Variants in CLIP1 observed in about 807,000 individuals in gnomAD.
CLIP1 encodes CAP-Gly domain-containing linker protein 1.
Under a neutral mutation model 161.6 loss-of-function variants are expected in CLIP1, and 66 were observed. That is an observed-to-expected ratio of 0.41 (90% CI 0.33 to 0.50). The LOEUF (loss-of-function observed/expected upper bound fraction) is 0.50, where lower values mean the gene tolerates loss of function less well. Among genes scored for constraint, CLIP1 ranks in the 20% least tolerant of loss-of-function variants. CLIP1 has a pLI of 0.27. For missense variants in CLIP1, 1,376 were observed against 1,702.0 expected, an observed-to-expected ratio of 0.81 and a Z score of 3.37; for synonymous variants, 598 against 626.2, an observed-to-expected ratio of 0.96 and a Z score of 0.67.
chr12:122,363,656 C>T (rs1953988917), intron 4 of CLIP1, among the ~76,000 whole-genome samples: 2 of 152,048 alleles, frequency 1.3e-5, no homozygotes, highest in African/African-American at 4.8e-5. Flanking sequence ...GCCCCCTCCC[C>T]AGACGCCCAG....
At chr12:122,361,779 C>T (rs987350155) in intron 4 of CLIP1, among the ~76,000 whole-genome samples, 11 of 152,176 alleles carry the variant, frequency 7.2e-5, no homozygotes, top group East Asian at 3.9e-4. Context: ...TGAAGTAACC[C>T]GAGATTGCAC....
chr12:122,319,657 T>G (rs1188528082), intron 17 of CLIP1, among the ~76,000 whole-genome samples: 2 of 152,268 alleles, frequency 1.3e-5, no homozygotes, highest in Non-Finnish European at 2.9e-5. Flanking sequence ...CCCTTCATTC[T>G]GACTTATGTT....
At chr12:122,293,683 G>C (rs1018207376) in intron 20 of CLIP1, among the ~76,000 whole-genome samples, 4 of 151,794 alleles carry the variant, frequency 2.6e-5, no homozygotes, top group Non-Finnish European at 5.9e-5. Context: ...TCTCCACGTT[G>C]ATCAGGCTGG....
chr12:122,319,453 A>T (rs1050316045), intron 17 of CLIP1, 105 bp from the exon 18 acceptor site: 2 of 789,444 alleles, frequency 2.5e-6, no homozygotes, highest in Non-Finnish European at 4.4e-6. Flanking sequence ...CTGTGTGGGT[A>T]AGGGAGGCAC....
chr12:122,400,482 C>T (rs1956104501), intron 1 of CLIP1: 1 of 152,134 alleles, frequency 6.6e-6, no homozygotes. Context: ...ACGCTACTGC[C>T]ACGCGCAGCA....
At chr12:122,400,820 CG>C (rs1956116433) in intron 1 of CLIP1, 1 of 151,910 alleles carries the variant, frequency 6.6e-6, no homozygotes, top group African/African-American at 2.4e-5. Context: ...CAAAATGATG[CG>C]ATTTTCAAAC....
intron 1 of CLIP1, among the ~76,000 whole-genome samples, chr12:122,422,008 G>T (rs1055058246): frequency 1.3e-5 from 2 of 152,182 alleles, no homozygotes; most frequent in African/African-American, 4.8e-5. Flanking sequence ...GGGGCAGCGG[G>T]GGAGGCCGGG....
At chr12:122,285,619 G>A (rs915217378) in intron 21 of CLIP1, among the ~76,000 whole-genome samples, 6 of 149,658 alleles carry the variant, frequency 4.0e-5, no homozygotes, top group African/African-American at 9.8e-5. Context: ...GATTACAGGC[G>A]TGAGCCACCG....
intron 17 of CLIP1, among the ~76,000 whole-genome samples, chr12:122,320,871 G>C (rs1056057587): frequency 6.6e-6 from 1 of 151,236 alleles, no homozygotes; most frequent in Non-Finnish European, 1.5e-5. Context: ...CACCACACCG[G>C]GCTAATTTTT....
At chr12:122,411,313 G>A (rs1956524041) in intron 1 of CLIP1, among the ~76,000 whole-genome samples, 1 of 152,202 alleles carries the variant, frequency 6.6e-6, no homozygotes, top group Non-Finnish European at 1.5e-5. Context: ...CTATTGGGGA[G>A]GCTGAGGCAG....
rs556779204 is a variant in CLIP1 at position 122,346,265 on chromosome 12, G to A, written c.1506+1110C>T. ...TCTCTGCGCCTCAGTGTTCTTGTCT[G>A]TAAAATGGGGACACTAATATTCCCT... On this transcript the variant is annotated intron_variant, in intron 10 of 25. Transcript: ENST00000620786. 2.6e-5 allele frequency among the ~76,000 whole-genome samples: 4 copies of A among 152,312 alleles called. 1 individual carries two copies. The highest frequency in any genetic ancestry group is 2.1e-4 in the South Asian group (1 of 4,824).
intron 1 of CLIP1, among the ~76,000 whole-genome samples, chr12:122,402,133 T>G (rs1230534324): frequency 1.3e-5 from 2 of 152,200 alleles, no homozygotes; most frequent in Non-Finnish European, 2.9e-5. Context: ...TATCCATATT[T>G]TTAAAAATGA....
intron 1 of CLIP1, among the ~76,000 whole-genome samples, chr12:122,389,442 T>C (rs1013428648): frequency 6.6e-6 from 1 of 152,004 alleles, no homozygotes; most frequent in Admixed American, 6.6e-5. Context: ...CACAAAACTA[T>C]ATGACAGACA....
intron 8 of CLIP1, among the ~76,000 whole-genome samples, chr12:122,352,292 G>A (rs1043045137): frequency 6.6e-6 from 1 of 152,026 alleles, no homozygotes. Flanking sequence ...CCTGACCTCG[G>A]GTGATCCACC....
At chr12:122,411,154 G>A (rs1280542685) in intron 1 of CLIP1, among the ~76,000 whole-genome samples, 1 of 152,174 alleles carries the variant, frequency 6.6e-6, no homozygotes, top group Non-Finnish European at 1.5e-5. Context: ...AGTGGCTTAC[G>A]CCTGTAATCC....
intron 1 of CLIP1, among the ~76,000 whole-genome samples, chr12:122,409,411 C>G (rs1218401060): frequency 6.6e-6 from 1 of 150,992 alleles, no homozygotes; most frequent in Admixed American, 6.6e-5. Context: ...CAGGCACGAG[C>G]CACCACGCCC....
chr12:122,331,560 C>T lies in CLIP1; in HGVS notation c.2867+1427G>A, dbSNP rs563656971. On this transcript the variant is annotated intron_variant, in intron 15 of 25. Coordinates refer to ENST00000620786, the MANE Select transcript of CLIP1 (RefSeq NM_001247997.2). ...GAACTGCTGACCTCAGGCGATCTGCCCGCCTCAGCCTCCCAAAGTGCCTGG... is the reference window on the plus strand; with the variant it reads ...GAACTGCTGACCTCAGGCGATCTGCTCGCCTCAGCCTCCCAAAGTGCCTGG... 2.4e-3 allele frequency among the ~76,000 whole-genome samples: 360 copies of T among 151,894 alleles called. 1 individual carries two copies. The highest frequency in any genetic ancestry group is 3.4e-3 in the Non-Finnish European group (234 of 67,942).
chr12:122,294,337 A>AC (rs1258946910), intron 20 of CLIP1, among the ~76,000 whole-genome samples: 3 of 142,994 alleles, frequency 2.1e-5, no homozygotes, highest in Admixed American at 1.4e-4. Flanking sequence ...TCAAAAAAAA[A>AC]AAAAAACAAA....
rs1328026678 is a variant in CLIP1, at chr12:122,289,247, GC to G, written c.3595-707del. Reference sequence around the variant, plus strand: ...GCCCAGCCTGGCCAACATGGTGAAAGCCCATCTCTACTAAAAATGTAAAAAT... The same window carrying G: ...GCCCAGCCTGGCCAACATGGTGAAAGCCATCTCTACTAAAAATGTAAAAAT... On this transcript the variant is annotated intron_variant, in intron 20 of 25. Coordinates refer to ENST00000620786, the MANE Select transcript of CLIP1 (RefSeq NM_001247997.2). 2.0e-5 allele frequency among the ~76,000 whole-genome samples: 3 copies of G among 151,904 alleles called. No homozygotes were observed. In the East Asian group the frequency reaches 5.9e-4, roughly 30 times the overall value.
Sources: gnomAD v4.1 joint callset for allele counts (sites outside exome capture counted in the v4.1 genomes callset) on GRCh38, gnomAD v4.1.1 for gene constraint, MANE v1.5 for transcripts, NCBI Gene and HGNC (gene_info 2026-07-23, HGNC 2026-07-21) for gene names.